The following CNOT7 variants were observed in gnomAD, a reference collection of about 807,000 sequenced individuals.
CNOT7 encodes the protein BTG1-binding factor 1.
Under a neutral mutation model 37.1 loss-of-function variants are expected in CNOT7, and 4 were observed. The observed-to-expected ratio is 0.11, with a 90% CI of 0.05 to 0.25. The LOEUF (loss-of-function observed/expected upper bound fraction) is 0.25. Among genes scored for constraint, CNOT7 ranks in the 10% least tolerant of loss-of-function variants. CNOT7 has a pLI of 1.00. For missense variants in CNOT7, 170 were observed against 336.2 expected (o/e 0.51, Z 3.87); for synonymous variants, 128 against 115.6 (o/e 1.11, Z -0.69).
intron 5 of CNOT7, among the ~76,000 whole-genome samples, chr8:17,233,133 G>A (rs996345564): frequency 3.3e-5 from 5 of 152,174 alleles, no homozygotes; most frequent in African/African-American, 1.2e-4. Context: ...AGAGTGGAAA[G>A]AGTGGAAAGA....
At chr8:17,240,646 G>A (rs1234542237) in intron 3 of CNOT7, among the ~76,000 whole-genome samples, 4 of 152,104 alleles carry the variant, frequency 2.6e-5, no homozygotes, top group African/African-American at 7.2e-5. Context: ...TCCTTCTCAC[G>A]TACTGAGATC....
rs577111198 is a variant in CNOT7, at chr8:17,229,477, TTACCG to T, written c.*1238_*1242del. 6.6e-6 allele frequency: 1 copy of T among 152,226 alleles called. No individual in the cohort carries two copies. Among genetic ancestry groups the T allele is most frequent in the Non-Finnish European group, 1.5e-5 (1 of 67,804 alleles). 9.4% of individuals were successfully genotyped at this position (152,226 alleles called of 1,614,324 possible). ...CATCATTTCGGGGTAGAGTTAATGA[TTACCG>T]TAAAGTCTTCCTACACATGCTCTGG... is the stretch of plus-strand genomic sequence containing the variant. On this transcript the variant is annotated 3_prime_UTR_variant, in exon 7 of 7. Transcript: ENST00000361272.
At chr8:17,240,212 T>C (rs1053457234) in intron 3 of CNOT7, among the ~76,000 whole-genome samples, 1 of 152,244 alleles carries the variant, frequency 6.6e-6, no homozygotes, top group Non-Finnish European at 1.5e-5. Flanking sequence ...TGTTTTTCAC[T>C]GTATCCTTCT....
chr8:17,246,374 A>C (rs1416744746), intron 1 of CNOT7: 1 of 152,572 alleles, frequency 6.6e-6, no homozygotes, highest in African/African-American at 2.4e-5. Context: ...CTGACTCCCA[A>C]GCACTGCCGC....
intron 2 of CNOT7, among the ~76,000 whole-genome samples, chr8:17,244,143 T>C (rs929095715): frequency 6.6e-6 from 1 of 152,196 alleles, no homozygotes; most frequent in Non-Finnish European, 1.5e-5. Flanking sequence ...ACACTTGGTT[T>C]ATGGAGCTAA....
intron 3 of CNOT7, 180 bp downstream of exon 3, chr8:17,242,812 G>C (rs1437949815): frequency 2.3e-6 from 1 of 436,282 alleles, no homozygotes; most frequent in Non-Finnish European, 4.1e-6. Flanking sequence ...TAACATCAAA[G>C]TATTTTTTTT....
At chr8:17,243,468 C>T (rs550212831) in intron 2 of CNOT7, 60 of 550,388 alleles carry the variant, frequency 1.1e-4, no homozygotes, top group South Asian at 9.0e-4. Context: ...GGGGGAAAAT[C>T]ATAAATTCCT....
rs891383203 is a variant in CNOT7, at chr8:17,227,834, T to G, written c.*2886A>C. 9.9e-5 allele frequency: 15 copies of G among 151,902 alleles called. No homozygotes were observed. Among genetic ancestry groups the G allele is most frequent in the African/African-American group, 3.6e-4 (15 of 41,442 alleles). 9.4% of individuals were successfully genotyped at this position (151,902 alleles called of 1,614,324 possible). A position where few individuals can be genotyped will look rare whatever the true frequency, so the allele number is the denominator to read the frequency against. On this transcript the variant is annotated 3_prime_UTR_variant, in exon 7 of 7. Transcript: ENST00000361272. ...TAACATTCAAAGGTACTTTTCTTGT[T>G]CTGAGATACAGGGCATGAACTGGTA...
chr8:17,230,970 G>A lies in CNOT7; in HGVS notation c.730-122C>T, dbSNP rs978184047. ...GACAATAATGATGGCTCTTTTCTAT[G>A]GTGTTCCTTTGAGGCTACGCATTTC... On this transcript the variant is annotated intron_variant, in intron 6 of 6. Coordinates refer to ENST00000361272, the MANE Select transcript of CNOT7 (RefSeq NM_013354.7). 8 of 671,772 alleles carry A rather than the reference G, an allele frequency of 1.2e-5. No individual in the cohort carries two copies. The African/African-American group carries it at 1.5e-4, about 12-fold the overall frequency. 41.6% of individuals were successfully genotyped at this position (671,772 alleles called of 1,614,324 possible).
In CNOT7 at chr8:17,228,824, T is replaced by C. The variant is rs1585764919; in HGVS notation, c.*1896A>G. ...CAAATAGTTGAACAGAATTTAAATA[T>C]TAGTTTTCTCAGCTAACAAATCACA... On this transcript the variant is annotated 3_prime_UTR_variant, in exon 7 of 7. Coordinates refer to ENST00000361272, the MANE Select transcript of CNOT7 (RefSeq NM_013354.7). 1 of 152,130 alleles carries C rather than the reference T, an allele frequency of 6.6e-6. No homozygotes were observed. The highest frequency in any genetic ancestry group is 1.9e-4 in the East Asian group (1 of 5,180). 9.4% of individuals were successfully genotyped at this position (152,130 alleles called of 1,614,324 possible).
At chr8:17,243,372 A>G (rs935054056) in intron 2 of CNOT7, 187 bp from the exon 3 acceptor site, 4 of 642,468 alleles carry the variant, frequency 6.2e-6, no homozygotes, top group African/African-American at 5.5e-5. Flanking sequence ...TAAACTTAAT[A>G]ACCTTTCCTT....
intron 3 of CNOT7, among the ~76,000 whole-genome samples, chr8:17,239,710 T>G (rs918972076): frequency 1.4e-4 from 22 of 151,906 alleles, no homozygotes; most frequent in Non-Finnish European, 2.5e-4. Flanking sequence ...AGCCAGGATG[T>G]TCTCGATCTC....
chr8:17,227,197 T>C lies in CNOT7; in HGVS notation c.*3523A>G, dbSNP rs921431088. 6.6e-6 allele frequency: 1 copy of C among 151,862 alleles called. No individual in the cohort carries two copies. Among genetic ancestry groups the C allele is most frequent in the East Asian group, 1.9e-4 (1 of 5,198 alleles). The allele number at this position is 151,862 out of a possible 1,614,324, so 9.4% of individuals were successfully genotyped here. A position where few individuals can be genotyped will look rare whatever the true frequency, so the allele number is the denominator to read the frequency against. The stretch of plus-strand genomic sequence containing the variant: ...AGCCTTAAAATTTGACCAAATAAAC[T>C]TTTTTTCTGCTTCATGCATTTTTCC... On this transcript the variant is annotated 3_prime_UTR_variant, in exon 7 of 7. Transcript: ENST00000361272.
At chr8:17,234,013 C>T (rs778226629) in intron 5 of CNOT7, among the ~76,000 whole-genome samples, 13 of 152,112 alleles carry the variant, frequency 8.5e-5, no homozygotes, top group Middle Eastern at 3.2e-3. Flanking sequence ...GAGACCACGC[C>T]ACTGCACTCC....
At chr8:17,235,850 C>T (rs1053986293) in intron 4 of CNOT7, among the ~76,000 whole-genome samples, 2 of 152,150 alleles carry the variant, frequency 1.3e-5, no homozygotes, top group African/African-American at 2.4e-5. Context: ...ATCAGTCTAA[C>T]TTAGATTCTA....
intron 3 of CNOT7, among the ~76,000 whole-genome samples, chr8:17,238,631 T>A (rs532891659): frequency 6.6e-6 from 1 of 152,094 alleles, no homozygotes; most frequent in Non-Finnish European, 1.5e-5. Flanking sequence ...TTAGCAACTA[T>A]AAGCAATGAA....
At chr8:17,241,796 C>T (rs940217607) in intron 3 of CNOT7, 2 of 152,114 alleles carry the variant, frequency 1.3e-5, no homozygotes, top group Non-Finnish European at 2.9e-5. Flanking sequence ...TAAGTTCCTA[C>T]GGCATATTTC....
At chr8:17,231,441 G>T in intron 6 of CNOT7, 2 of 742,562 alleles carry the variant, frequency 2.7e-6, no homozygotes, top group Non-Finnish European at 3.3e-6. Context: ...TGAAACAATT[G>T]GAAGGAGTCC....
At chr8:17,242,935 C>G (rs1378065510) in intron 3 of CNOT7, 57 bp downstream of exon 3, 24 of 1,227,062 alleles carry the variant, frequency 2.0e-5, no homozygotes, top group African/African-American at 3.3e-5. Context: ...AAAATCAATT[C>G]CTAAGATTAA....
Sources: allele counts gnomAD v4.1 joint callset (sites outside exome capture counted in the v4.1 genomes callset), GRCh38; gene constraint gnomAD v4.1.1; transcripts MANE v1.5; gene names NCBI Gene and HGNC (gene_info 2026-07-23, HGNC 2026-07-21).